Variants in GSTT2B observed in about 807,000 individuals in gnomAD.
The protein encoded by GSTT2B is glutathione S-transferase theta-2B.
In GSTT2B, 4 loss-of-function variants were observed where a neutral mutation model predicts 16.6. The ratio of observed to expected loss-of-function variants is 0.24; its 90% CI spans 0.12 to 0.55. GSTT2B has a LOEUF of 0.55. GSTT2B is among the 20% of genes least tolerant of loss of function. The pLI, the probability that GSTT2B is intolerant of heterozygous loss-of-function variation, is 0.94. For synonymous variants in GSTT2B, 9 were observed against 110.9 expected, an observed-to-expected ratio of 0.08 and a Z score of 5.77; for missense variants, 27 against 266.1, an observed-to-expected ratio of 0.10 and a Z score of 6.25.
At chr22:23,960,662 C>T (rs1324036466) in intron 1 of GSTT2B, among the ~76,000 whole-genome samples, 1 of 107,350 alleles carries the variant, frequency 9.3e-6, no homozygotes, top group African/African-American at 2.9e-5. Flanking sequence ...ACTGGGGTGG[C>T]TCATCTCTTC....
At chr22:23,960,777 A>G (rs1358795298) in intron 1 of GSTT2B, among the ~76,000 whole-genome samples, 2 of 135,388 alleles carry the variant, frequency 1.5e-5, no homozygotes, top group Non-Finnish European at 3.3e-5. Flanking sequence ...AACTCCATTC[A>G]GTATTTTCTT....
chr22:23,960,361 ACTC>A lies in GSTT2B; in HGVS notation c.130_132del (p.Glu44del), dbSNP rs2033827097. 1 of 1,610,120 alleles carries A rather than the reference ACTC, an allele frequency of 6.2e-7. No homozygotes were observed. The highest frequency in any genetic ancestry group is 1.3e-5 in the African/African-American group (1 of 74,392). ...TTCCCCAGGCTGTTGATCTGCAAGA[ACTC>A]CTTGCTCTTGTGCTGCCCTGAAGAG... On this transcript the variant is annotated inframe_deletion, in exon 2 of 5. Coordinates refer to ENST00000290765, the MANE Select transcript of GSTT2B (RefSeq NM_001080843.4).
At chr22:23,959,179 C>CAGCCAAAGGAATGTCAGACGGGG (rs1870671635) in intron 2 of GSTT2B, among the ~76,000 whole-genome samples, 1 of 132,292 alleles carries the variant, frequency 7.6e-6, no homozygotes, top group Non-Finnish European at 1.6e-5. Context: ...CTTTGGCCCC[C>CAGCCAAAGGAATGTCAGACGGGG]GTCTGACAGG....
At chr22:23,960,161 G>A (rs1257259831) in intron 2 of GSTT2B, 133 bp downstream of exon 2, 129 of 1,029,658 alleles carry the variant, frequency 1.3e-4, no homozygotes, top group East Asian at 3.7e-4. Context: ...CACCGCGCCC[G>A]GCCAGATCCC....
intron 2 of GSTT2B, among the ~76,000 whole-genome samples, chr22:23,959,723 G>A (rs1298529051): frequency 9.9e-6 from 1 of 100,998 alleles, no homozygotes; most frequent in African/African-American, 3.1e-5. Flanking sequence ...GACTACAGGC[G>A]GCCGCCACCA....
chr22:23,959,356 T>C (rs2033810752), intron 2 of GSTT2B, among the ~76,000 whole-genome samples: 1 of 85,586 alleles, frequency 1.2e-5, no homozygotes, highest in Non-Finnish European at 2.7e-5. Flanking sequence ...TCAGCTAGCA[T>C]TTGTTGAACA....
chr22:23,960,446 C>T, intron 1 of GSTT2B, 65 bp from the exon 2 acceptor site: 6 of 1,450,480 alleles, frequency 4.1e-6, no homozygotes, highest in Non-Finnish European at 5.7e-6. Flanking sequence ...ACCCTCCCTC[C>T]TCCTCCCCAA....
At chr22:23,959,265 G>A (rs1395984424) in intron 2 of GSTT2B, among the ~76,000 whole-genome samples, 3 of 113,004 alleles carry the variant, frequency 2.7e-5, no homozygotes, top group Non-Finnish European at 5.7e-5. Context: ...ACCATGAGCT[G>A]TGCCCTTGGG....
intron 2 of GSTT2B, among the ~76,000 whole-genome samples, chr22:23,959,822 C>T (rs2033815698): frequency 1.1e-5 from 1 of 93,562 alleles, no homozygotes; most frequent in African/African-American, 3.5e-5. Flanking sequence ...CGTGATCCGC[C>T]CACCTCGGCC....
chr22:23,959,629 G>A (rs2033812639), intron 2 of GSTT2B, among the ~76,000 whole-genome samples: 1 of 101,988 alleles, frequency 9.8e-6, no homozygotes, highest in South Asian at 4.3e-4. Flanking sequence ...CCAGGCTGGA[G>A]TGCAGTGGTG....
chr22:23,960,145 G>A lies in GSTT2B; in HGVS notation c.200+149C>T, dbSNP rs1305298195. 331 of 760,306 alleles carry A rather than the reference G, an allele frequency of 4.4e-4. 3 individuals are homozygous for A. The African/African-American group carries it at 4.9e-3, about 11-fold the overall frequency. The allele number at this position is 760,306 out of a possible 1,614,324, so 47.1% of individuals were successfully genotyped here. ...CTCCCGAAGTGCCGGGATGACAGGC[G>A]TGAGCCACCGCGCCCGGCCAGATCC... On this transcript the variant is annotated intron_variant, in intron 2 of 4. Coordinates refer to ENST00000290765, the MANE Select transcript of GSTT2B (RefSeq NM_001080843.4).
intron 1 of GSTT2B, among the ~76,000 whole-genome samples, chr22:23,960,739 T>C (rs1277387978): frequency 8.2e-6 from 1 of 121,928 alleles, no homozygotes; most frequent in African/African-American, 2.7e-5. Context: ...TGAATTTATA[T>C]GCGTGCATTC....
rs552490065 is a variant in GSTT2B, at chr22:23,959,558, C to CT, written c.200+735dup. On this transcript the variant is annotated intron_variant, in intron 2 of 4. Transcript: ENST00000290765. Reference sequence around the variant, plus strand: ...CAGATACCTCTCCTTTCTTTCTTTCCTTTTTTTTTGAGACGGAGTCTCCCT... The same window carrying CT: ...CAGATACCTCTCCTTTCTTTCTTTCCTTTTTTTTTTGAGACGGAGTCTCCCT... Among the ~76,000 whole-genome samples, 269 of 92,208 alleles carry CT rather than the reference C, an allele frequency of 2.9e-3. 6 individuals carry two copies. Among genetic ancestry groups the CT allele is most frequent in the African/African-American group, 7.1e-3 (211 of 29,558 alleles). The allele number at this position is 92,208 out of a possible 152,430, so 60.5% of individuals were successfully genotyped here.
intron 1 of GSTT2B, among the ~76,000 whole-genome samples, 171 bp from the exon 2 acceptor site, chr22:23,960,552 C>T (rs1436574188): frequency 2.1e-5 from 2 of 96,012 alleles, no homozygotes; most frequent in Non-Finnish European, 5.1e-5. Flanking sequence ...TGCCACATTC[C>T]GGGGCAGCTG....
intron 2 of GSTT2B, among the ~76,000 whole-genome samples, 193 bp downstream of exon 2, chr22:23,960,101 G>A (rs1180754849): frequency 1.3e-5 from 2 of 149,146 alleles, no homozygotes; most frequent in East Asian, 2.0e-4. Flanking sequence ...TCCTGACCTC[G>A]TGATCCGCCC....
At position 23,960,293 on chromosome 22, in the gene GSTT2B, C is replaced by T. The variant is rs181983734; in HGVS notation, c.200+1G>A. Reference sequence around the variant, plus strand: ...GGTGAGGGGTGAGGGAAGGAGGGCACCTTTCGGTCAAGATGAAATCACCAT... The same window carrying T: ...GGTGAGGGGTGAGGGAAGGAGGGCATCTTTCGGTCAAGATGAAATCACCAT... On this transcript the variant is annotated splice_donor_variant, in intron 2 of 4. Transcript: ENST00000290765. LOFTEE classifies it high-confidence loss of function. 488 of 1,611,566 alleles carry T rather than the reference C, an allele frequency of 3.0e-4. 9 individuals carry two copies. Among genetic ancestry groups the T allele is most frequent in the Middle Eastern group, 2.0e-3 (12 of 6,034 alleles).
rs1461388831 is a variant in GSTT2B, at chr22:23,958,548, C to CGGAGTAT, written c.351+2_351+3insATACTCC. On this transcript the variant is annotated splice_region_variant and intron_variant, in intron 3 of 4. Transcript: ENST00000290765. ...CAATCACTCTCCAGATGGCTCTCCT[C>CGGAGTAT]ACCTGGACCCACAGGGGTATACCAA... is the stretch of plus-strand genomic sequence containing the variant. 1.6e-6 allele frequency: 2 copies of CGGAGTAT among 1,228,852 alleles called. No homozygotes were observed. The highest frequency in any genetic ancestry group is 2.3e-6 in the Non-Finnish European group (2 of 860,474). The allele number at this position is 1,228,852 out of a possible 1,614,324, so 76.1% of individuals were successfully genotyped here. A position where few individuals can be genotyped will look rare whatever the true frequency, so the allele number is the denominator to read the frequency against.
Position 23,959,377 on chromosome 22 carries a change from A to G in GSTT2B, c.201-676T>C, listed in dbSNP as rs1303555245. ...AGCATTTGTTGAACAAATGCGCAACAGTGGAAAAATGTTCCCTTGTCTTCT... is the reference window on the plus strand; with the variant it reads ...AGCATTTGTTGAACAAATGCGCAACGGTGGAAAAATGTTCCCTTGTCTTCT... On this transcript the variant is annotated intron_variant, in intron 2 of 4. Coordinates refer to ENST00000290765, the MANE Select transcript of GSTT2B (RefSeq NM_001080843.4). Among the ~76,000 whole-genome samples the G allele has an allele frequency of 2.2e-5, 2 of 92,946 alleles. 1 individual carries two copies. Among genetic ancestry groups the G allele is most frequent in the Non-Finnish European group, 5.0e-5 (2 of 39,904 alleles). 61.0% of individuals were successfully genotyped at this position (92,946 alleles called of 152,430 possible). A position where few individuals can be genotyped will look rare whatever the true frequency, so the allele number is the denominator to read the frequency against.
chr22:23,958,683 GT>G lies in GSTT2B; in HGVS notation c.218del (p.Tyr73SerfsTer2). 1.4e-6 allele frequency: 1 copy of G among 716,026 alleles called. No individual in the cohort carries two copies. The highest frequency in any genetic ancestry group is 1.6e-5 in the South Asian group (1 of 60,930). 44.4% of individuals were successfully genotyped at this position (716,026 alleles called of 1,614,324 possible). A position where few individuals can be genotyped will look rare whatever the true frequency, so the allele number is the denominator to read the frequency against. Reference protein sequence around the residue: ...ILTESSAILIYLSCKYQTPDH... With the variant: ...ILTESSAILIXLSCKYQTPDH... ...CCGGCGTCTGGTACTTACAGCTCAGGTAAATCAGGATGGCCGAGCTGGGAAC... is the reference window on the plus strand; with the variant it reads ...CCGGCGTCTGGTACTTACAGCTCAGGAAATCAGGATGGCCGAGCTGGGAAC... On this transcript the variant is annotated frameshift_variant, in exon 3 of 5. Coordinates refer to ENST00000290765, the MANE Select transcript of GSTT2B (RefSeq NM_001080843.4). LOFTEE classifies it high-confidence loss of function.
Sources: gnomAD v4.1 joint callset for allele counts (sites outside exome capture counted in the v4.1 genomes callset) on GRCh38, gnomAD v4.1.1 for gene constraint, MANE v1.5 for transcripts, NCBI Gene and HGNC (gene_info 2026-07-23, HGNC 2026-07-21) for gene names.